CNTN5: variants seen among roughly 807,000 people sequenced by gnomAD.
CNTN5 encodes contactin-5.
A neutral mutation model predicts 129.1 loss-of-function variants in CNTN5; 77 were observed. The observed-to-expected ratio is 0.60, with a 90% confidence interval of 0.50 to 0.72. The LOEUF is 0.72. Among genes scored for constraint, CNTN5 ranks in the 30% least tolerant of loss-of-function variants. The probability of loss-of-function intolerance (pLI) is 0.00; values close to 1 mark genes in which losing one functional copy is unlikely to be tolerated. For missense variants in CNTN5, 1,478 were observed against 1,328.8 expected (o/e 1.11, Z -1.75); for synonymous variants, 509 against 465.6 (o/e 1.09, Z -1.20).
intron 16 of CNTN5, among the ~76,000 whole-genome samples, chr11:100,238,815 C>T (rs1235628849): frequency 1.3e-5 from 2 of 152,156 alleles, no homozygotes; most frequent in Non-Finnish European, 1.5e-5. Flanking sequence ...AATAGGTGAT[C>T]TAAGCTCATT....
intron 2 of CNTN5, among the ~76,000 whole-genome samples, chr11:99,534,878 T>A (rs7112133): frequency 0.48 from 72,402 of 151,770 alleles, 17,540 homozygotes; most frequent in African/African-American, 0.52. Flanking sequence ...ATGATTAGAA[T>A]TAAAAGCATT....
chr11:100,255,361 G>A (rs1446276707), intron 16 of CNTN5, among the ~76,000 whole-genome samples: 2 of 139,224 alleles, frequency 1.4e-5, no homozygotes, highest in Non-Finnish European at 3.2e-5. Context: ...TAGTATTTTA[G>A]TAAGGATGAG....
chr11:99,926,043 A>G (rs1950054808), intron 7 of CNTN5, among the ~76,000 whole-genome samples: 1 of 152,162 alleles, frequency 6.6e-6, no homozygotes, highest in African/African-American at 2.4e-5. Flanking sequence ...AATAAAAGCT[A>G]CCTCACAGCA....
chr11:99,448,538 A>T (rs967408515), intron 2 of CNTN5, among the ~76,000 whole-genome samples: 3 of 151,926 alleles, frequency 2.0e-5, no homozygotes, highest in African/African-American at 7.2e-5. Context: ...AAAGATAATT[A>T]TGTTGAAAAA....
intron 3 of CNTN5, among the ~76,000 whole-genome samples, chr11:99,758,451 T>G (rs1397667899): frequency 6.6e-6 from 1 of 152,058 alleles, no homozygotes; most frequent in African/African-American, 2.4e-5. Flanking sequence ...AATCTGCCTT[T>G]TTAGCAAATA....
chr11:99,744,543 TAAAAAAAAAAAAAAA>T lies in CNTN5; in HGVS notation c.56-74985_56-74971del, dbSNP rs553540845. ...GCAAAACCCCGTCTCTACAAAAAGT[TAAAAAAAAAAAAAAA>T]AAAAAAAAAAAAAAAGCTGGGTGTA... is the stretch of plus-strand genomic sequence containing the variant. On this transcript the variant is annotated intron_variant, in intron 3 of 24. Coordinates refer to ENST00000524871, the MANE Select transcript of CNTN5 (RefSeq NM_014361.4). Among the ~76,000 whole-genome samples the T allele has an allele frequency of 3.7e-4, 14 of 37,496 alleles. No individual in the cohort carries two copies. The East Asian group carries it at 0.016, about 42-fold the overall frequency. 24.6% of individuals were successfully genotyped at this position (37,496 alleles called of 152,430 possible). A position where few individuals can be genotyped will look rare whatever the true frequency, so the allele number is the denominator to read the frequency against.
chr11:99,819,627 G>A lies in CNTN5; in HGVS notation c.139G>A (p.Gly47Ser), dbSNP rs529404054. The A allele has an allele frequency of 1.2e-6, 2 of 1,612,888 alleles. No individual in the cohort carries two copies. Among genetic ancestry groups the A allele is most frequent in the Admixed American group, 3.3e-5 (2 of 60,012 alleles). ...IKKSSSSSLFGSKTRPRYSSP... is the reference protein window; with the variant it reads ...IKKSSSSSLFSSKTRPRYSSP... ...GAAGAGTTCATCTTCATCTCTCTTTGGTTCCAAAACCAGACCACGATACAG... is the reference window on the plus strand; with the variant it reads ...GAAGAGTTCATCTTCATCTCTCTTTAGTTCCAAAACCAGACCACGATACAG... The change falls in exon 4 of 25, where the codon GGT becomes AGT. Residue 47 changes from glycine to serine, a missense_variant. Transcript: ENST00000524871.
chr11:99,500,339 T>TA (rs35074396), intron 2 of CNTN5, among the ~76,000 whole-genome samples: 2 of 152,160 alleles, frequency 1.3e-5, no homozygotes, highest in Non-Finnish European at 2.9e-5. Context: ...ATGATACCTT[T>TA]AAAAAAAGTT....
chr11:99,361,599 A>G (rs61891987), intron 2 of CNTN5, among the ~76,000 whole-genome samples: 5,506 of 152,164 alleles, frequency 0.036, 174 homozygotes, highest in East Asian at 0.14. Flanking sequence ...AGACTTTTTC[A>G]TCATTCCAAA....
chr11:99,705,045 T>G (rs1954695283), intron 3 of CNTN5, among the ~76,000 whole-genome samples: 1 of 151,362 alleles, frequency 6.6e-6, no homozygotes, highest in Admixed American at 6.6e-5. Context: ...AAAAAGCTAA[T>G]AAGTCAACAA....
At chr11:99,250,383 A>G (rs1293557224) in intron 1 of CNTN5, among the ~76,000 whole-genome samples, 1 of 151,950 alleles carries the variant, frequency 6.6e-6, no homozygotes, top group African/African-American at 2.4e-5. Flanking sequence ...AATACCAGGA[A>G]ATACATGAAG....
At chr11:99,703,920 T>C (rs1375531539) in intron 3 of CNTN5, among the ~76,000 whole-genome samples, 1 of 151,028 alleles carries the variant, frequency 6.6e-6, no homozygotes, top group African/African-American at 2.4e-5. Flanking sequence ...GATTAATGCA[T>C]AGGATTGTAG....
intron 3 of CNTN5, among the ~76,000 whole-genome samples, chr11:99,619,080 G>A (rs1188284198): frequency 6.6e-6 from 1 of 151,930 alleles, no homozygotes; most frequent in Non-Finnish European, 1.5e-5. Context: ...GGAAAAAAAG[G>A]TGCAGAATTG....
At chr11:99,989,949 T>G (rs1938953030) in intron 8 of CNTN5, among the ~76,000 whole-genome samples, 1 of 152,080 alleles carries the variant, frequency 6.6e-6, no homozygotes, top group Non-Finnish European at 1.5e-5. Context: ...GTATTTTTAG[T>G]AGAGACGGGG....
At chr11:99,801,760 TTTCAA>T (rs1946120488) in intron 3 of CNTN5, among the ~76,000 whole-genome samples, 1 of 152,254 alleles carries the variant, frequency 6.6e-6, no homozygotes, top group Non-Finnish European at 1.5e-5. Flanking sequence ...CTTAAGTAAG[TTTCAA>T]TTCAAGAAGC....
intron 18 of CNTN5, among the ~76,000 whole-genome samples, chr11:100,285,983 G>C (rs752635921): frequency 1.1e-4 from 16 of 152,324 alleles, no homozygotes; most frequent in Non-Finnish European, 1.5e-4. Context: ...CCGAGTCAAA[G>C]AAAGGGGTGA....
intron 8 of CNTN5, among the ~76,000 whole-genome samples, chr11:99,990,785 T>C (rs1405070094): frequency 6.6e-6 from 1 of 152,210 alleles, no homozygotes; most frequent in African/African-American, 2.4e-5. Context: ...CCAAATACTA[T>C]AACATATTTA....
At chr11:99,932,700 AAAG>A (rs1291535771) in intron 7 of CNTN5, among the ~76,000 whole-genome samples, 4 of 152,154 alleles carry the variant, frequency 2.6e-5, no homozygotes, top group Non-Finnish European at 5.9e-5. Flanking sequence ...TGATATATGT[AAAG>A]TATTTTACCC....
At chr11:100,026,067 C>A (rs1437748699) in intron 9 of CNTN5, among the ~76,000 whole-genome samples, 2 of 152,130 alleles carry the variant, frequency 1.3e-5, no homozygotes, top group East Asian at 3.9e-4. Flanking sequence ...CCACCCAAAT[C>A]TCCTCTTTAA....
Sources: allele counts gnomAD v4.1 joint callset (sites outside exome capture counted in the v4.1 genomes callset), GRCh38; gene constraint gnomAD v4.1.1; transcripts MANE v1.5; gene names NCBI Gene and HGNC (gene_info 2026-07-23, HGNC 2026-07-21).